Variants in LYZL4 observed in about 807,000 individuals in gnomAD.
The protein encoded by LYZL4 is lysozyme-like protein 4.
In LYZL4, 13 loss-of-function variants were observed where a neutral mutation model predicts 17.6. The observed-to-expected ratio is 0.74, with a 90% confidence interval of 0.48 to 1.18. The LOEUF (loss-of-function observed/expected upper bound fraction) is 1.18, where lower values mean the gene tolerates loss of function less well. LYZL4 is among the 50% of genes most tolerant of loss of function. The probability of loss-of-function intolerance (pLI) is 0.00; values close to 1 mark genes in which losing one functional copy is unlikely to be tolerated. For missense variants in LYZL4, 174 were observed against 188.2 expected (o/e 0.92, Z 0.44); for synonymous variants, 64 against 67.7 (o/e 0.95, Z 0.27).
chr3:42,375,203 C>T, the LYZL4 span, among the ~76,000 whole-genome samples: 1 of 152,166 alleles, frequency 6.6e-6, no homozygotes, highest in African/African-American at 2.4e-5. Context: ...TGAGTTCTAT[C>T]CTGTCTTCTC....
chr3:42,403,827 T>C (rs1378750465), intron 4 of LYZL4, among the ~76,000 whole-genome samples: 1 of 152,094 alleles, frequency 6.6e-6, no homozygotes, highest in African/African-American at 2.4e-5. Flanking sequence ...CTAAACAAGA[T>C]TTGGGGGAAA....
chr3:42,375,715 G>A, the LYZL4 span, among the ~76,000 whole-genome samples: 5 of 152,174 alleles, frequency 3.3e-5, no homozygotes, highest in South Asian at 6.2e-4. Context: ...AAGAAAGCAT[G>A]AGGAATATGC....
At chr3:42,372,942 C>T in the LYZL4 span, among the ~76,000 whole-genome samples, 2 of 152,242 alleles carry the variant, frequency 1.3e-5, no homozygotes, top group African/African-American at 4.8e-5. Flanking sequence ...TGTGGTGGCT[C>T]ATGCCTGTAA....
intron 3 of LYZL4, 96 bp from the exon 4 acceptor site, chr3:42,404,220 C>T (rs966035138): frequency 2.3e-5 from 15 of 666,162 alleles, no homozygotes; most frequent in Non-Finnish European, 3.8e-5. Context: ...ATCAGAGAGT[C>T]TTCCAGTGAA....
chr3:42,366,614 T>C, the LYZL4 span, among the ~76,000 whole-genome samples: 2 of 152,214 alleles, frequency 1.3e-5, no homozygotes, highest in Non-Finnish European at 2.9e-5. Context: ...CCCTCCTTTC[T>C]CTGTCTCTTC....
chr3:42,365,504 C>T, the LYZL4 span, among the ~76,000 whole-genome samples: 1 of 152,168 alleles, frequency 6.6e-6, no homozygotes, highest in Non-Finnish European at 1.5e-5. Flanking sequence ...CCAACTCCTA[C>T]CTGAGGCACA....
chr3:42,394,716 G>C (rs1380321599), downstream of LYZL4, among the ~76,000 whole-genome samples: 1 of 152,190 alleles, frequency 6.6e-6, no homozygotes, highest in African/African-American at 2.4e-5. Context: ...GGCAACCCGA[G>C]AGAGGCTGTT....
chr3:42,371,642 C>G, the LYZL4 span, among the ~76,000 whole-genome samples: 8 of 152,108 alleles, frequency 5.3e-5, no homozygotes, highest in African/African-American at 1.9e-4. Flanking sequence ...AATGAAGCAC[C>G]CAACACTTAA....
chr3:42,396,787 C>T (rs151148976), downstream of LYZL4, among the ~76,000 whole-genome samples: 661 of 152,310 alleles, frequency 4.3e-3, 2 homozygotes, highest in African/African-American at 0.011. Flanking sequence ...CCTTCATAGA[C>T]GTGCAAAGAG....
the LYZL4 span, among the ~76,000 whole-genome samples, chr3:42,386,403 C>A: frequency 1.9e-4 from 25 of 129,506 alleles, no homozygotes; most frequent in African/African-American, 3.8e-4. Flanking sequence ...ACGCCCCCCC[C>A]CCCCCCCCCG....
chr3:42,405,280 C>A (rs1485918107), intron 3 of LYZL4, among the ~76,000 whole-genome samples: 1 of 152,222 alleles, frequency 6.6e-6, no homozygotes, highest in Admixed American at 6.5e-5. Flanking sequence ...GATCTCCTGA[C>A]CTCGTGATCC....
the LYZL4 span, among the ~76,000 whole-genome samples, chr3:42,389,694 C>T: frequency 1.3e-5 from 2 of 152,330 alleles, no homozygotes; most frequent in Admixed American, 6.5e-5. Context: ...TTCTCTGATG[C>T]CCAAGTCACA....
In LYZL4 at chr3:42,397,430, C is replaced by G. The variant is rs959003339; in HGVS notation, c.372-96G>C. 9 of 799,210 alleles carry G rather than the reference C, an allele frequency of 1.1e-5. No homozygotes were observed. The African/African-American group carries it at 1.4e-4, about 12-fold the overall frequency. The allele number at this position is 799,210 out of a possible 1,614,324, so 49.5% of individuals were successfully genotyped here. A position where few individuals can be genotyped will look rare whatever the true frequency, so the allele number is the denominator to read the frequency against. On this transcript the variant is annotated intron_variant, in intron 4 of 4. Coordinates refer to ENST00000287748, the MANE Select transcript of LYZL4 (RefSeq NM_144634.4). ...ATTCAGGCCATTTACACCTGCCTGC[C>G]CCTTGGAGCCTTTGAGTTTTCCACC...
At chr3:42,382,377 G>C in the LYZL4 span, among the ~76,000 whole-genome samples, 1 of 152,132 alleles carries the variant, frequency 6.6e-6, no homozygotes, top group Non-Finnish European at 1.5e-5. Flanking sequence ...GGAAGAGACA[G>C]TCTTTGACAA....
chr3:42,390,685 G>T, the LYZL4 span, among the ~76,000 whole-genome samples: 1 of 152,138 alleles, frequency 6.6e-6, no homozygotes, highest in South Asian at 2.1e-4. Context: ...ACTTCTGCCA[G>T]CTCCACCATC....
chr3:42,366,964 G>C, the LYZL4 span, among the ~76,000 whole-genome samples: 1 of 152,174 alleles, frequency 6.6e-6, no homozygotes, highest in Admixed American at 6.6e-5. Context: ...TGTGCTTATA[G>C]CTTGTGCTTA....
chr3:42,373,772 A>G, the LYZL4 span, among the ~76,000 whole-genome samples: 3 of 152,164 alleles, frequency 2.0e-5, no homozygotes, highest in Non-Finnish European at 2.9e-5. Context: ...CAGTAGATAG[A>G]AGCTTTTTGA....
the LYZL4 span, among the ~76,000 whole-genome samples, chr3:42,373,553 G>A: frequency 3.9e-5 from 6 of 152,158 alleles, no homozygotes; most frequent in South Asian, 6.2e-4. Context: ...GGGAGGGTGT[G>A]CATGTGTGTG....
the LYZL4 span, among the ~76,000 whole-genome samples, chr3:42,388,127 A>G: frequency 2.6e-5 from 4 of 152,198 alleles, no homozygotes; most frequent in African/African-American, 9.6e-5. Flanking sequence ...CATTTGTGAC[A>G]GTGGGTGGCC....
Sources: allele counts gnomAD v4.1 joint callset (sites outside exome capture counted in the v4.1 genomes callset), GRCh38; gene constraint gnomAD v4.1.1; transcripts MANE v1.5; gene names NCBI Gene and HGNC (gene_info 2026-07-23, HGNC 2026-07-21).